Variants in DGCR8 observed in about 807,000 individuals in gnomAD.
The protein encoded by DGCR8 is microprocessor complex subunit DGCR8.
DGCR8 carries 14 observed loss-of-function variants against 78.5 expected under a neutral mutation model. That is an observed-to-expected ratio of 0.18 (90% CI 0.12 to 0.28). The LOEUF is 0.28. DGCR8 is among the 10% of genes least tolerant of loss of function. The probability of loss-of-function intolerance (pLI) is 1.00; values close to 1 mark genes in which losing one functional copy is unlikely to be tolerated. For missense variants in DGCR8, 702 were observed against 1,022.5 expected (o/e 0.69, Z 4.28); for synonymous variants, 399 against 402.4 (o/e 0.99, Z 0.10).
intron 1 of DGCR8, among the ~76,000 whole-genome samples, chr22:20,084,342 G>C (rs59088524): frequency 6.1e-4 from 93 of 152,314 alleles, no homozygotes; most frequent in African/African-American, 2.2e-3. Flanking sequence ...GCATGCATGC[G>C]TGTTCCTGTG....
In DGCR8 at chr22:20,108,643, CGTG is replaced by C. The variant is rs1367272806; in HGVS notation, c.2125-243_2125-241del. 25 of 368,200 alleles carry C rather than the reference CGTG, an allele frequency of 6.8e-5. No homozygotes were observed. The Middle Eastern group carries it at 2.7e-3, about 39-fold the overall frequency. The allele number at this position is 368,200 out of a possible 1,614,324, so 22.8% of individuals were successfully genotyped here. ...CCATGGCAGGAGGCCATATAAGTGG[CGTG>C]GTGTGGGCAGAAAGGCCTGGCAGCT... On this transcript the variant is annotated intron_variant, in intron 12 of 13. Transcript: ENST00000351989.
In DGCR8 at chr22:20,085,870, C is replaced by A; in HGVS notation, c.-94C>A. On this transcript the variant is annotated 5_prime_UTR_variant, in exon 2 of 14. Transcript: ENST00000351989. The surrounding 1 kb of genome is among the most constrained non-coding windows in gnomAD (Gnocchi z 6.2). ...AGCGCACAGCGCGGCAGGACGCGCC[C>A]GGGTCTCAGCGGACTTGTGCATGTT... The A allele has an allele frequency of 1.3e-6, 2 of 1,499,646 alleles. No individual in the cohort carries two copies. Among genetic ancestry groups the A allele is most frequent in the Middle Eastern group, 1.8e-4 (1 of 5,588 alleles). 92.9% of individuals were successfully genotyped at this position (1,499,646 alleles called of 1,614,324 possible).
intron 12 of DGCR8, chr22:20,108,107 T>G (rs1418924647): frequency 6.5e-6 from 1 of 152,778 alleles, no homozygotes; most frequent in African/African-American, 2.4e-5. Context: ...TTTAGGTCCC[T>G]GAGACCGAGG....
chr22:20,107,865 C>G, intron 12 of DGCR8: 1 of 172,932 alleles, frequency 5.8e-6, no homozygotes, highest in African/African-American at 2.3e-5. Flanking sequence ...CTGTTGTGGC[C>G]AACATCCTGC....
intron 1 of DGCR8, among the ~76,000 whole-genome samples, chr22:20,083,464 C>T (rs1010438316): frequency 6.6e-5 from 10 of 151,880 alleles, no homozygotes; most frequent in Non-Finnish European, 1.5e-4. Context: ...GGCAGGTTTC[C>T]TGCTTTCCTA....
At position 20,111,658 on chromosome 22, in the gene DGCR8, C is replaced by G; in HGVS notation, c.*1550C>G. 1 of 334,376 alleles carries G rather than the reference C, an allele frequency of 3.0e-6. No homozygotes were observed. The highest frequency in any genetic ancestry group is 5.4e-6 in the Non-Finnish European group (1 of 185,592). The allele number at this position is 334,376 out of a possible 1,614,324, so 20.7% of individuals were successfully genotyped here. The stretch of plus-strand genomic sequence containing the variant: ...GGAGCCTCGCTGTGTCTTGCTGTTC[C>G]CAGGCACCACCACAGCAGGTGCTGC... On this transcript the variant is annotated 3_prime_UTR_variant, in exon 14 of 14. Transcript: ENST00000351989.
At chr22:20,083,708 CTA>C (rs893413421) in intron 1 of DGCR8, among the ~76,000 whole-genome samples, 7 of 152,132 alleles carry the variant, frequency 4.6e-5, no homozygotes, top group African/African-American at 1.2e-4. Flanking sequence ...ACCAGGGTCT[CTA>C]TGGGACTGCC....
intron 9 of DGCR8, among the ~76,000 whole-genome samples, chr22:20,097,072 T>C (rs371806558): frequency 7.9e-5 from 12 of 152,352 alleles, no homozygotes; most frequent in African/African-American, 2.4e-4. Flanking sequence ...TTCATTTTGC[T>C]GGTATTTTGT....
intron 6 of DGCR8, 33 bp from the exon 7 acceptor site, chr22:20,091,836 T>A: frequency 6.2e-7 from 1 of 1,602,662 alleles, no homozygotes; most frequent in Non-Finnish European, 8.5e-7. Flanking sequence ...TGGCACTGCT[T>A]CACACTTGCT....
Position 20,110,216 on chromosome 22 carries a change from CCT to C in DGCR8, c.*109_*110del. 1.7e-6 allele frequency: 2 copies of C among 1,173,932 alleles called. No homozygotes were observed. The highest frequency in any genetic ancestry group is 2.4e-4 in the Middle Eastern group (1 of 4,138). The allele number at this position is 1,173,932 out of a possible 1,614,324, so 72.7% of individuals were successfully genotyped here. On this transcript the variant is annotated 3_prime_UTR_variant, in exon 14 of 14. Transcript: ENST00000351989. ...TCAGGCCTCCAACCCACGCTCCTTC[CCT>C]GTGGCCAACCTGTGGGCCCGGCCTT... is the stretch of plus-strand genomic sequence containing the variant.
chr22:20,109,666 T>C (rs189305622), intron 13 of DGCR8, among the ~76,000 whole-genome samples: 78 of 152,218 alleles, frequency 5.1e-4, no homozygotes, highest in African/African-American at 1.9e-3. Context: ...GTGCAGGACA[T>C]AGTGCTCCTG....
chr22:20,110,036 A>C lies in DGCR8; in HGVS notation c.2250A>C (p.Arg750=). 6.2e-7 allele frequency: 1 copy of C among 1,613,792 alleles called. No individual in the cohort carries two copies. The highest frequency in any genetic ancestry group is 8.5e-7 in the Non-Finnish European group (1 of 1,180,010). The change falls in exon 14 of 14, where the codon CGA becomes CGC. Residue 750 remains arginine (R), a synonymous_variant. Coordinates refer to ENST00000351989, the MANE Select transcript of DGCR8 (RefSeq NM_022720.7). ...TGTTGTTCTTTCAGGAGGAGACTCG[A>C]AAGAAGCCCAAGATGTCCATTGTGG... ...KRLAEEREET[R]KKPKMSIVAS... is the part of the protein sequence containing the mutation.
Position 20,091,978 on chromosome 22 carries a change from T to TAACCTTCCCCATTTCAGTCCTAAAGAA in DGCR8, c.1606+9_1606+35dup. The TAACCTTCCCCATTTCAGTCCTAAAGAA allele has an allele frequency of 6.2e-7, 1 of 1,606,004 alleles. No individual in the cohort carries two copies. The stretch of plus-strand genomic sequence containing the variant: ...ATAATTTCTTTGAATGTGGTAAGTC[T>TAACCTTCCCCATTTCAGTCCTAAAGAA]AACCTTCCCCATTTCAGTCCTAAAG... On this transcript the variant is annotated intron_variant, in intron 7 of 13. Coordinates refer to ENST00000351989, the MANE Select transcript of DGCR8 (RefSeq NM_022720.7).
In DGCR8 at chr22:20,111,057, A is replaced by G; in HGVS notation, c.*949A>G. The G allele has an allele frequency of 5.0e-6, 2 of 397,686 alleles. No individual in the cohort carries two copies. The highest frequency in any genetic ancestry group is 2.1e-5 in the African/African-American group (1 of 48,644). The allele number at this position is 397,686 out of a possible 1,614,324, so 24.6% of individuals were successfully genotyped here. ...AGTGGACTTGTTGAAACAGGAAGCA[A>G]GGGCCTTCAGTGTAGCCCATTCTTG... is the stretch of plus-strand genomic sequence containing the variant. On this transcript the variant is annotated 3_prime_UTR_variant, in exon 14 of 14. Coordinates refer to ENST00000351989, the MANE Select transcript of DGCR8 (RefSeq NM_022720.7).
chr22:20,106,571 G>A lies in DGCR8; in HGVS notation c.1890-21G>A, dbSNP rs545606614. 2.5e-6 allele frequency: 4 copies of A among 1,578,594 alleles called. No individual in the cohort carries two copies. The South Asian group carries it at 3.3e-5, about 13-fold the overall frequency. ...CTGCTCTGCTCAGGGGACGCCATCTGTTGTCTGTTTTCTCTTAAAGAAACC... is the reference window on the plus strand; with the variant it reads ...CTGCTCTGCTCAGGGGACGCCATCTATTGTCTGTTTTCTCTTAAAGAAACC... On this transcript the variant is annotated intron_variant, in intron 10 of 13. Coordinates refer to ENST00000351989, the MANE Select transcript of DGCR8 (RefSeq NM_022720.7).
intron 9 of DGCR8, among the ~76,000 whole-genome samples, chr22:20,099,677 T>C (rs1441087601): frequency 6.6e-6 from 1 of 152,234 alleles, no homozygotes; most frequent in Admixed American, 6.5e-5. Context: ...ATTCTGACCA[T>C]TTTTGCTAGT....
At chr22:20,083,380 T>A (rs79914809) in intron 1 of DGCR8, among the ~76,000 whole-genome samples, 1,983 of 150,888 alleles carry the variant, frequency 0.013, 46 homozygotes, top group African/African-American at 0.046. Context: ...TGTGTGTGTG[T>A]GATGAATGGA....
At chr22:20,109,895 C>T in intron 13 of DGCR8, 130 bp from the exon 14 acceptor site, 2 of 845,486 alleles carry the variant, frequency 2.4e-6, no homozygotes, top group Non-Finnish European at 3.8e-6. Context: ...CCTGGCATCA[C>T]AAGCACTGGT....
rs1054810504 is a variant in DGCR8 at position 20,111,346 on chromosome 22, C to T, written c.*1238C>T. 1 of 396,864 alleles carries T rather than the reference C, an allele frequency of 2.5e-6. No homozygotes were observed. Among genetic ancestry groups the T allele is most frequent in the East Asian group, 3.6e-5 (1 of 27,960 alleles). The allele number at this position is 396,864 out of a possible 1,614,324, so 24.6% of individuals were successfully genotyped here. A position where few individuals can be genotyped will look rare whatever the true frequency, so the allele number is the denominator to read the frequency against. Reference sequence around the variant, plus strand: ...TGTCTGTCCCCCACCATGCCCCCTACAGGCGGTACTGATGGCGCTTTTTTT... The same window carrying T: ...TGTCTGTCCCCCACCATGCCCCCTATAGGCGGTACTGATGGCGCTTTTTTT... On this transcript the variant is annotated 3_prime_UTR_variant, in exon 14 of 14. Coordinates refer to ENST00000351989, the MANE Select transcript of DGCR8 (RefSeq NM_022720.7).
Sources: allele counts gnomAD v4.1 joint callset (sites outside exome capture counted in the v4.1 genomes callset), GRCh38; gene constraint gnomAD v4.1.1; non-coding constraint Gnocchi (gnomAD v3.1); transcripts MANE v1.5; gene names NCBI Gene and HGNC (gene_info 2026-07-23, HGNC 2026-07-21).